Variants in DNAI4 observed in about 807,000 individuals in gnomAD.
DNAI4 encodes WD repeat domain 78.
In DNAI4, 85 loss-of-function variants were observed where a neutral mutation model predicts 105.8. That is an observed-to-expected ratio of 0.80 (90% confidence interval 0.67 to 0.96). DNAI4 has a LOEUF of 0.96. Ranked by LOEUF, DNAI4 falls within the 40% of genes least tolerant of loss-of-function variation. The pLI is 0.00. For missense variants in DNAI4, 1,014 were observed against 1,005.6 expected (o/e 1.01, Z -0.11); for synonymous variants, 352 against 331.5 (o/e 1.06, Z -0.67).
chr1:66,827,784 T>C, intron 14 of DNAI4, 28 bp downstream of exon 14: 1 of 1,313,984 alleles, frequency 7.6e-7, no homozygotes, highest in Non-Finnish European at 1.1e-6. Context: ...ACAAAATAAA[T>C]GTTCCAACCT....
intron 16 of DNAI4, among the ~76,000 whole-genome samples, chr1:66,820,549 T>C (rs1298960679): frequency 6.6e-6 from 1 of 151,980 alleles, no homozygotes; most frequent in African/African-American, 2.4e-5. Context: ...TATGTTATAA[T>C]GCATACATAA....
intron 2 of DNAI4, among the ~76,000 whole-genome samples, chr1:66,903,054 G>T (rs1189164948): frequency 6.6e-6 from 1 of 152,174 alleles, no homozygotes; most frequent in African/African-American, 2.4e-5. Context: ...TACATTTTAG[G>T]ATAGGTTTTT....
intron 2 of DNAI4, among the ~76,000 whole-genome samples, chr1:66,894,068 G>A (rs998278451): frequency 2.6e-5 from 4 of 152,102 alleles, no homozygotes; most frequent in Non-Finnish European, 5.9e-5. Context: ...TATGCTTCTG[G>A]TTTATGTGCT....
rs548368070 is a variant in DNAI4 at position 66,896,495 on chromosome 1, G to A, written c.346-3082C>T. Among the ~76,000 whole-genome samples, 8 of 152,260 alleles carry A rather than the reference G, an allele frequency of 5.3e-5. No individual in the cohort carries two copies. In the South Asian group the frequency reaches 8.3e-4, roughly 16 times the overall value. ...TTAAGTGTGTGCACCAAAAGTTCAC[G>A]TGTTGGAAATGTGGTCCCAATGCAG... On this transcript the variant is annotated intron_variant, in intron 2 of 16. Coordinates refer to ENST00000371026, the MANE Select transcript of DNAI4 (RefSeq NM_024763.5).
At position 66,814,049 on chromosome 1, in the gene DNAI4, G is replaced by A. The variant is rs1015047652; in HGVS notation, c.*81C>T. The A allele has an allele frequency of 1.4e-5, 14 of 995,850 alleles. No homozygotes were observed. The highest frequency in any genetic ancestry group is 1.9e-5 in the South Asian group (1 of 52,820). The allele number at this position is 995,850 out of a possible 1,614,324, so 61.7% of individuals were successfully genotyped here. On this transcript the variant is annotated 3_prime_UTR_variant, in exon 17 of 17. Transcript: ENST00000371026. ...ATATTGTTTTCTGAAATCAAAATCT[G>A]GTGTACAGTATGTAATACAGAATAT... is the stretch of plus-strand genomic sequence containing the variant.
intron 1 of DNAI4, among the ~76,000 whole-genome samples, chr1:66,912,135 C>T (rs1193263256): frequency 1.3e-5 from 2 of 152,284 alleles, no homozygotes; most frequent in South Asian, 2.1e-4. Context: ...CCAGCGTTCC[C>T]AGCTGATAGA....
At chr1:66,899,934 C>T (rs1648664137) in intron 2 of DNAI4, among the ~76,000 whole-genome samples, 1 of 150,486 alleles carries the variant, frequency 6.6e-6, no homozygotes, top group Admixed American at 6.6e-5. Flanking sequence ...ATCTTTGTGC[C>T]AATAACACAT....
intron 3 of DNAI4, among the ~76,000 whole-genome samples, 157 bp downstream of exon 3, chr1:66,893,065 GAAAGAAA>G (rs1647924722): frequency 1.2e-5 from 1 of 85,486 alleles, no homozygotes; most frequent in Non-Finnish European, 2.5e-5. Flanking sequence ...GAGAGAGAGA[GAAAGAAA>G]GAAAGAAAGA....
intron 7 of DNAI4, among the ~76,000 whole-genome samples, chr1:66,859,034 CCTG>C (rs558899737): frequency 7.8e-4 from 119 of 151,602 alleles, no homozygotes; most frequent in African/African-American, 2.8e-3. Context: ...TATGAAAAAC[CCTG>C]CTAATAAAAA....
intron 14 of DNAI4, among the ~76,000 whole-genome samples, chr1:66,827,474 G>A (rs1645779362): frequency 6.6e-6 from 1 of 151,906 alleles, no homozygotes; most frequent in African/African-American, 2.4e-5. Context: ...CTGGGTAACA[G>A]TGAGACCCAT....
intron 4 of DNAI4, among the ~76,000 whole-genome samples, chr1:66,885,882 G>A (rs932529276): frequency 6.6e-6 from 1 of 151,892 alleles, no homozygotes; most frequent in East Asian, 1.9e-4. Context: ...TATTCTTTTT[G>A]TATCTGTTGT....
At chr1:66,853,827 G>A (rs894866323) in intron 7 of DNAI4, among the ~76,000 whole-genome samples, 1 of 152,136 alleles carries the variant, frequency 6.6e-6, no homozygotes, top group Admixed American at 6.6e-5. Flanking sequence ...AATGTCTGCT[G>A]TCACCACTCT....
chr1:66,917,822 T>C (rs1259202871), intron 1 of DNAI4, among the ~76,000 whole-genome samples: 9 of 152,234 alleles, frequency 5.9e-5, no homozygotes, highest in Admixed American at 5.2e-4. Flanking sequence ...ATTGGAGAAA[T>C]TGGTTATTTT....
rs888623367 is a variant in DNAI4 at position 66,862,086 on chromosome 1, G to T, written c.1096+61C>A. The T allele has an allele frequency of 4.1e-6, 6 of 1,472,934 alleles. No individual in the cohort carries two copies. The South Asian group carries it at 4.2e-5, about 10-fold the overall frequency. 91.2% of individuals were successfully genotyped at this position (1,472,934 alleles called of 1,614,324 possible). On this transcript the variant is annotated intron_variant, in intron 7 of 16. Transcript: ENST00000371026. ...GAAAACATTGTTAACTGCCAAAAAA[G>T]AATTTATTAAAAATGCCATGTTAAA...
intron 1 of DNAI4, 71 bp from the exon 2 acceptor site, chr1:66,905,446 A>G (rs1454295861): frequency 9.3e-7 from 1 of 1,072,698 alleles, no homozygotes; most frequent in African/African-American, 1.6e-5. Context: ...ACAATAAAAA[A>G]GTAGATTTCC....
At chr1:66,910,725 T>G (rs76262249) in intron 1 of DNAI4, among the ~76,000 whole-genome samples, 6,845 of 152,298 alleles carry the variant, frequency 0.045, 233 homozygotes, top group African/African-American at 0.097. Flanking sequence ...TCTAACATAG[T>G]ATATCTTTAA....
chr1:66,917,364 G>T (rs997090691), intron 1 of DNAI4, among the ~76,000 whole-genome samples: 1 of 152,032 alleles, frequency 6.6e-6, no homozygotes, highest in Admixed American at 6.6e-5. Context: ...TCTTGTTTTG[G>T]TCCTTTTTAG....
chr1:66,887,601 CTTA>C (rs1160397976), intron 4 of DNAI4, among the ~76,000 whole-genome samples: 2 of 151,952 alleles, frequency 1.3e-5, no homozygotes, highest in Non-Finnish European at 2.9e-5. Context: ...ATTATATAAA[CTTA>C]TTATTAAATA....
intron 16 of DNAI4, among the ~76,000 whole-genome samples, chr1:66,817,724 G>A (rs913956468): frequency 9.2e-5 from 14 of 152,170 alleles, no homozygotes; most frequent in African/African-American, 3.4e-4. Flanking sequence ...TCAATCAAGT[G>A]ATCCAGCAAC....
Sources: gnomAD v4.1 joint callset for allele counts (sites outside exome capture counted in the v4.1 genomes callset) on GRCh38, gnomAD v4.1.1 for gene constraint, MANE v1.5 for transcripts, NCBI Gene and HGNC (gene_info 2026-07-23, HGNC 2026-07-21) for gene names.